The following GPM6B variants were observed in gnomAD, a reference collection of about 807,000 sequenced individuals.
GPM6B encodes neuronal membrane glycoprotein M6-b.
Under a neutral mutation model 27.2 loss-of-function variants are expected in GPM6B, and 4 were observed. The observed-to-expected ratio is 0.15, with a 90% CI of 0.07 to 0.34. The LOEUF (loss-of-function observed/expected upper bound fraction) is 0.34, where lower values mean the gene tolerates loss of function less well. GPM6B is among the 10% of genes least tolerant of loss of function. The pLI, the probability that GPM6B is intolerant of heterozygous loss-of-function variation, is 1.00. For synonymous variants in GPM6B, 124 were observed against 103.1 expected (o/e 1.20, Z -1.23); for missense variants, 183 against 261.9 (o/e 0.70, Z 2.08).
rs1555909943 is a variant in GPM6B at position 13,773,978 on chromosome X, T to TTC, written c.838-950_838-949dup. 123 of 725,467 alleles carry TTC rather than the reference T, an allele frequency of 1.7e-4. 3 individuals carry two copies. The African/African-American group carries it at 2.9e-3, about 17-fold the overall frequency. The allele number at this position is 725,467 out of a possible 1,213,427, so 59.8% of individuals were successfully genotyped here. ...CTTTTTTTTTTTTTTTTTTTTTTTT[T>TTC]TCCAGAGAACTGGGTGACCTTTTTC... is the stretch of plus-strand genomic sequence containing the variant. On this transcript the variant is annotated intron_variant, in intron 7 of 7. Transcript: ENST00000316715.
In GPM6B at chrX:13,772,239, A is replaced by G. The variant is rs1367037631; in HGVS notation, c.*642T>C. The G allele has an allele frequency of 3.6e-5, 4 of 112,320 alleles. No homozygotes were observed. In the East Asian group the frequency reaches 1.1e-3, roughly 31 times the overall value. 9.3% of individuals were successfully genotyped at this position (112,320 alleles called of 1,213,427 possible). On this transcript the variant is annotated 3_prime_UTR_variant, in exon 8 of 8. Transcript: ENST00000316715. ...GTGAGTCCAGCATCCAGATTCTTTA[A>G]TAGTAGGGTCAGCAGAATTGTAGCT...
At chrX:13,903,168 A>G (rs2050297622) in intron 1 of GPM6B, among the ~76,000 whole-genome samples, 1 of 111,839 alleles carries the variant, frequency 8.9e-6, no homozygotes, top group East Asian at 2.8e-4. Context: ...AGGTGAGAGC[A>G]CCTTGACACC....
chrX:13,773,742 A>G (rs1213154501), intron 7 of GPM6B: 1 of 112,478 alleles, frequency 8.9e-6, no homozygotes, highest in Non-Finnish European at 1.8e-5. Context: ...CAAGTTCCTT[A>G]TAGTTCATAC....
intron 1 of GPM6B, among the ~76,000 whole-genome samples, chrX:13,892,165 G>A (rs781457275): frequency 9.0e-6 from 1 of 111,707 alleles, no homozygotes; most frequent in African/African-American, 3.2e-5. Context: ...TCTTTTTCTG[G>A]AAATCCCTTT....
chrX:13,866,858 T>C (rs1466335617), intron 1 of GPM6B, among the ~76,000 whole-genome samples: 2 of 111,490 alleles, frequency 1.8e-5, no homozygotes, highest in South Asian at 7.6e-4. Context: ...GTAATACGAA[T>C]GGAGTCAGAG....
chrX:13,861,803 A>G (rs2049856234), intron 1 of GPM6B, among the ~76,000 whole-genome samples: 1 of 112,257 alleles, frequency 8.9e-6, no homozygotes, highest in Non-Finnish European at 1.9e-5. Context: ...CAAAGGGTAT[A>G]TAGTGAAAAG....
chrX:13,923,690 T>C (rs1462869541), intron 1 of GPM6B, among the ~76,000 whole-genome samples: 5 of 112,158 alleles, frequency 4.5e-5, no homozygotes, highest in Non-Finnish European at 7.5e-5. Context: ...ACAGAAGAGC[T>C]CCAATTAAAT....
At chrX:13,805,421 A>C (rs2049003787) in intron 2 of GPM6B, among the ~76,000 whole-genome samples, 2 of 112,456 alleles carry the variant, frequency 1.8e-5, no homozygotes, top group South Asian at 7.4e-4. Context: ...GGCTCTCCAG[A>C]AAGATTAATG....
intron 1 of GPM6B, among the ~76,000 whole-genome samples, chrX:13,846,881 C>T (rs1190668527): frequency 1.9e-5 from 2 of 103,350 alleles, no homozygotes; most frequent in Non-Finnish European, 3.9e-5. Context: ...TCATTACTGT[C>T]ATGGCTGCCA....
chrX:13,857,601 C>T (rs2049796054), intron 1 of GPM6B, among the ~76,000 whole-genome samples: 1 of 112,213 alleles, frequency 8.9e-6, no homozygotes, highest in Non-Finnish European at 1.9e-5. Context: ...TGCCCTCCCA[C>T]AATAGAGACT....
intron 1 of GPM6B, among the ~76,000 whole-genome samples, chrX:13,920,054 A>C (rs899197839): frequency 9.1e-6 from 1 of 110,367 alleles, no homozygotes; most frequent in Admixed American, 9.7e-5. Context: ...ACTTGAGTTC[A>C]GGAGTTCGAG....
intron 1 of GPM6B, among the ~76,000 whole-genome samples, chrX:13,918,705 C>T (rs1278758055): frequency 1.8e-5 from 2 of 111,191 alleles, no homozygotes; most frequent in Admixed American, 1.9e-4. Flanking sequence ...GGGGAGGCCT[C>T]GGGAAACTTA....
chrX:13,920,252 GTAA>G (rs1403664332), intron 1 of GPM6B, among the ~76,000 whole-genome samples: 1 of 61,755 alleles, frequency 1.6e-5, no homozygotes, highest in African/African-American at 7.2e-5. Context: ...AGGCAACAGA[GTAA>G]GACTCTGTCT....
At chrX:13,842,452 T>A (rs2049589387) in intron 1 of GPM6B, among the ~76,000 whole-genome samples, 1 of 111,613 alleles carries the variant, frequency 9.0e-6, no homozygotes, top group African/African-American at 3.3e-5. Context: ...AAACACTAAG[T>A]AGTTCTCAAT....
chrX:13,851,072 AGAATCGCTT>A (rs1420564747), intron 1 of GPM6B, among the ~76,000 whole-genome samples: 1 of 106,667 alleles, frequency 9.4e-6, no homozygotes, highest in African/African-American at 3.4e-5. Flanking sequence ...CTGAGGCAGG[AGAATCGCTT>A]GAACCCAGGA....
chrX:13,838,557 A>C (rs1174146472), intron 1 of GPM6B, among the ~76,000 whole-genome samples: 2 of 111,072 alleles, frequency 1.8e-5, no homozygotes, highest in Non-Finnish European at 3.8e-5. Flanking sequence ...CTTAATTATC[A>C]CTCATTGGTT....
chrX:13,857,149 T>C (rs2049790954), intron 1 of GPM6B, among the ~76,000 whole-genome samples: 1 of 111,455 alleles, frequency 9.0e-6, no homozygotes, highest in South Asian at 3.9e-4. Context: ...CCCACTGAGA[T>C]AATCCAGAGT....
At chrX:13,930,274 T>C (rs1396891853) in intron 1 of GPM6B, among the ~76,000 whole-genome samples, 8 of 111,977 alleles carry the variant, frequency 7.1e-5, no homozygotes, top group South Asian at 3.7e-4. Context: ...TTTAGAAATA[T>C]TGATCAAGAA....
intron 1 of GPM6B, among the ~76,000 whole-genome samples, chrX:13,936,063 A>G (rs1251736407): frequency 1.8e-5 from 2 of 111,860 alleles, no homozygotes; most frequent in Non-Finnish European, 3.8e-5. Flanking sequence ...TGACTGCGAA[A>G]TGGGTACAAG....
Sources: gnomAD v4.1 joint callset for allele counts (sites outside exome capture counted in the v4.1 genomes callset) on GRCh38, gnomAD v4.1.1 for gene constraint, MANE v1.5 for transcripts, NCBI Gene and HGNC (gene_info 2026-07-23, HGNC 2026-07-21) for gene names.